The following ERMAP variants were observed in gnomAD, a reference collection of about 807,000 sequenced individuals.
ERMAP encodes erythroblast membrane associated protein (Scianna blood group), also known as erythroid membrane-associated protein.
ERMAP carries 34 observed loss-of-function variants against 49.5 expected under a neutral mutation model. That is an observed-to-expected ratio of 0.69 (90% CI 0.52 to 0.91). The LOEUF (loss-of-function observed/expected upper bound fraction) is 0.91. Among genes scored for constraint, ERMAP ranks in the 40% least tolerant of loss-of-function variants. ERMAP has a pLI of 0.00. For missense variants in ERMAP, 541 were observed against 582.6 expected (o/e 0.93, Z 0.74); for synonymous variants, 214 against 232.2 (o/e 0.92, Z 0.71).
At chr1:42,835,612 C>G (rs188121438) in intron 5 of ERMAP, 120 bp from the exon 6 acceptor site, 2 of 1,323,266 alleles carry the variant, frequency 1.5e-6, no homozygotes, top group African/African-American at 1.5e-5. Flanking sequence ...TTCAAATGCC[C>G]GCTTACCTGT....
chr1:42,829,739 C>G (rs1177878851), intron 2 of ERMAP, among the ~76,000 whole-genome samples: 1 of 152,268 alleles, frequency 6.6e-6, no homozygotes, highest in Non-Finnish European at 1.5e-5. Context: ...CTTTTTGAAC[C>G]CTCACACTCA....
intron 1 of ERMAP, 70 bp downstream of exon 1, chr1:42,817,323 C>A: frequency 9.1e-7 from 1 of 1,104,498 alleles, no homozygotes; most frequent in South Asian, 1.5e-5. Flanking sequence ...CTGGGCGGGG[C>A]CGCGCGCCGG....
chr1:42,836,030 G>C (rs1327093992), intron 6 of ERMAP, among the ~76,000 whole-genome samples: 2 of 152,052 alleles, frequency 1.3e-5, no homozygotes, highest in Non-Finnish European at 2.9e-5. Context: ...GAACATGGGG[G>C]AAGCTTTTAT....
intron 7 of ERMAP, chr1:42,837,573 G>C (rs951075046): frequency 6.4e-6 from 1 of 156,834 alleles, no homozygotes; most frequent in Non-Finnish European, 1.4e-5. Context: ...TACAAAGGAA[G>C]GGTCGCAGGC....
intron 2 of ERMAP, 48 bp downstream of exon 2, chr1:42,825,786 C>T (rs1226153671): frequency 2.3e-6 from 3 of 1,288,150 alleles, no homozygotes; most frequent in Non-Finnish European, 3.0e-6. Flanking sequence ...TTAACTTTCT[C>T]AGGATCCTCA....
intron 1 of ERMAP, among the ~76,000 whole-genome samples, chr1:42,821,787 G>T (rs970165191): frequency 6.6e-6 from 1 of 152,082 alleles, no homozygotes; most frequent in South Asian, 2.1e-4. Flanking sequence ...AAGGTGCGAG[G>T]ATCACTTTAG....
At chr1:42,834,815 A>G (rs566961519) in intron 4 of ERMAP, 21 of 440,064 alleles carry the variant, frequency 4.8e-5, no homozygotes, top group Admixed American at 2.6e-4. Flanking sequence ...TCTGCCTCCC[A>G]AAGTGCTGGT....
At position 42,830,414 on chromosome 1, in the gene ERMAP, G is replaced by A. The variant is rs80188043; in HGVS notation, c.-5-30G>A. 125 of 1,605,844 alleles carry A rather than the reference G, an allele frequency of 7.8e-5. No individual in the cohort carries two copies. The African/African-American group carries it at 1.5e-3, about 19-fold the overall frequency. Reference sequence around the variant, plus strand: ...TCTGTCACGCCAAGCCCATCAGCCCGCTTGTGCTGTCTCCCTCTGTCTGTC... The same window carrying A: ...TCTGTCACGCCAAGCCCATCAGCCCACTTGTGCTGTCTCCCTCTGTCTGTC... On this transcript the variant is annotated intron_variant, in intron 2 of 11. Coordinates refer to ENST00000372517, the MANE Select transcript of ERMAP (RefSeq NM_001017922.2).
chr1:42,830,413 C>T (rs765679818), intron 2 of ERMAP, 31 bp from the exon 3 acceptor site: 149 of 1,604,890 alleles, frequency 9.3e-5, no homozygotes, highest in Non-Finnish European at 1.2e-4. Context: ...CCCATCAGCC[C>T]GCTTGTGCTG....
intron 9 of ERMAP, 37 bp downstream of exon 9, chr1:42,840,090 T>C: frequency 6.2e-7 from 1 of 1,614,186 alleles, no homozygotes; most frequent in Non-Finnish European, 8.5e-7. Context: ...CCGTACCAAC[T>C]TATCTCCTGT....
intron 2 of ERMAP, among the ~76,000 whole-genome samples, chr1:42,826,018 G>C (rs974635326): frequency 1.3e-5 from 2 of 152,204 alleles, no homozygotes; most frequent in African/African-American, 2.4e-5. Flanking sequence ...ACGCTGTGCT[G>C]TGTGCTTTTA....
At chr1:42,831,571 T>TTCTTTCTC (rs1557609241) in intron 4 of ERMAP, among the ~76,000 whole-genome samples, 1 of 79,914 alleles carries the variant, frequency 1.3e-5, no homozygotes, top group African/African-American at 5.1e-5. Context: ...TTTTTTTTTT[T>TTCTTTCTC]TCTCTTTTTT....
intron 1 of ERMAP, among the ~76,000 whole-genome samples, chr1:42,823,323 T>C (rs1375429034): frequency 2.0e-5 from 3 of 152,150 alleles, no homozygotes; most frequent in Non-Finnish European, 4.4e-5. Flanking sequence ...AGTCACTGAG[T>C]TTTACAGATC....
intron 4 of ERMAP, among the ~76,000 whole-genome samples, chr1:42,834,293 A>G (rs1189183719): frequency 6.6e-6 from 1 of 152,166 alleles, no homozygotes; most frequent in African/African-American, 2.4e-5. Flanking sequence ...CCCCGTGGAC[A>G]GTGCTCAGGG....
intron 1 of ERMAP, 49 bp downstream of exon 1, chr1:42,817,302 C>T (rs1388664289): frequency 6.7e-6 from 8 of 1,192,682 alleles, no homozygotes; most frequent in South Asian, 5.4e-5. Flanking sequence ...GCCTGCCCAC[C>T]GCCCCTCGTC....
Position 42,830,993 on chromosome 1 carries a change from C to T in ERMAP, c.311C>T (p.Ala104Val). The T allele has an allele frequency of 6.2e-7, 1 of 1,614,190 alleles. No individual in the cohort carries two copies. Among genetic ancestry groups the T allele is most frequent in the Non-Finnish European group, 8.5e-7 (1 of 1,180,038 alleles). The change falls in exon 4 of 12, where the codon GCC becomes GTC. Residue 104 changes from alanine (A) to valine (V), a missense_variant. By Grantham distance (64) the Ala-to-Val change is moderately conservative. Coordinates refer to ENST00000372517, the MANE Select transcript of ERMAP (RefSeq NM_001017922.2). ...GGGAGGACGGTGCTAGTGAGAGATG[C>T]CCAAGAGGGAAGTGTCACTCTGCAG... Reference protein sequence around the residue: ...YKGRTVLVRDAQEGSVTLQIL... With the variant: ...YKGRTVLVRDVQEGSVTLQIL...
intron 4 of ERMAP, among the ~76,000 whole-genome samples, chr1:42,831,554 T>TG (rs1654730537): frequency 1.6e-5 from 1 of 61,148 alleles, no homozygotes; most frequent in African/African-American, 9.0e-5. Flanking sequence ...GGAGAGATAG[T>TG]GTTTTTTTTT....
At chr1:42,837,778 G>A (rs1054305722) in intron 7 of ERMAP, 1 of 152,254 alleles carries the variant, frequency 6.6e-6, no homozygotes, top group Admixed American at 6.5e-5. Flanking sequence ...GACATTTACT[G>A]TGGGCCACTG....
rs142454045 is a variant in ERMAP, at chr1:42,843,338, A to C, written c.*106A>C. ...TGGAACGTCTCTTCACCTTAACCCA[A>C]ATCCAGACCCTTTTGTGGTTTCTAT... is the stretch of plus-strand genomic sequence containing the variant. On this transcript the variant is annotated 3_prime_UTR_variant, in exon 12 of 12. Coordinates refer to ENST00000372517, the MANE Select transcript of ERMAP (RefSeq NM_001017922.2). 1 of 735,722 alleles carries C rather than the reference A, an allele frequency of 1.4e-6. No homozygotes were observed. The highest frequency in any genetic ancestry group is 2.1e-6 in the Non-Finnish European group (1 of 468,236). The allele number at this position is 735,722 out of a possible 1,614,324, so 45.6% of individuals were successfully genotyped here. A position where few individuals can be genotyped will look rare whatever the true frequency, so the allele number is the denominator to read the frequency against.
Sources: allele counts gnomAD v4.1 joint callset (sites outside exome capture counted in the v4.1 genomes callset), GRCh38; gene constraint gnomAD v4.1.1; transcripts MANE v1.5; gene names NCBI Gene and HGNC (gene_info 2026-07-23, HGNC 2026-07-21).